KCTD21: variants seen among roughly 807,000 people sequenced by gnomAD.
The protein encoded by KCTD21 is BTB/POZ domain-containing protein KCTD21.
A neutral mutation model predicts 13.2 loss-of-function variants in KCTD21; 9 were observed. That is an observed-to-expected ratio of 0.68 (90% CI 0.41 to 1.19). The LOEUF is 1.19. Among genes scored for constraint, KCTD21 ranks in the 50% most tolerant of loss-of-function variants. KCTD21 has a pLI of 0.01. For synonymous variants in KCTD21, 142 were observed against 137.4 expected, an observed-to-expected ratio of 1.03 and a Z score of -0.23; for missense variants, 303 against 336.5, an observed-to-expected ratio of 0.90 and a Z score of 0.78.
intron 1 of KCTD21, among the ~76,000 whole-genome samples, chr11:78,180,929 A>T (rs1270904221): frequency 1.3e-5 from 2 of 152,142 alleles, no homozygotes; most frequent in African/African-American, 4.8e-5. Context: ...TGATGGTTTT[A>T]TAAGGGGTTT....
intron 1 of KCTD21, among the ~76,000 whole-genome samples, chr11:78,183,356 C>A (rs775603297): frequency 6.6e-6 from 1 of 151,968 alleles, no homozygotes; most frequent in Non-Finnish European, 1.5e-5. Context: ...GCTAACATGG[C>A]AAAACCCCAT....
Position 78,173,758 on chromosome 11 carries a change from T to G in KCTD21, c.*14A>C. 2 of 1,589,198 alleles carry G rather than the reference T, an allele frequency of 1.3e-6. No homozygotes were observed. The highest frequency in any genetic ancestry group is 1.7e-6 in the Non-Finnish European group (2 of 1,163,602). ...TTCCTGGGACTCCCCATCTCCAGTG[T>G]TGTTGGGGTCCTTTTACCTGTACCG... is the stretch of plus-strand genomic sequence containing the variant. On this transcript the variant is annotated 3_prime_UTR_variant, in exon 2 of 2. Transcript: ENST00000340067.
At chr11:78,177,119 ACTT>A (rs1821031958) in intron 1 of KCTD21, 1 of 152,264 alleles carries the variant, frequency 6.6e-6, no homozygotes, top group African/African-American at 2.4e-5. Context: ...GGTGGCGAGA[ACTT>A]CTCAACATTT....
intron 1 of KCTD21, among the ~76,000 whole-genome samples, chr11:78,181,993 T>C (rs74862493): frequency 1.3e-5 from 2 of 152,154 alleles, no homozygotes; most frequent in African/African-American, 2.4e-5. Context: ...AACAATTTTT[T>C]TTGGAAACCA....
chr11:78,175,793 T>TA (rs2136992911), intron 1 of KCTD21, among the ~76,000 whole-genome samples: 2 of 152,258 alleles, frequency 1.3e-5, no homozygotes, highest in East Asian at 3.9e-4. Context: ...GCAGGTTAGT[T>TA]ACATATGTAT....
In KCTD21 at chr11:78,173,701, G is replaced by T; in HGVS notation, c.*71C>A. ...TAGTCCCCTGCCTCGCACCACTGGC[G>T]AGATGCCCTCCAAGACCTGGCTGAC... On this transcript the variant is annotated 3_prime_UTR_variant, in exon 2 of 2. Transcript: ENST00000340067. 7.7e-7 allele frequency: 1 copy of T among 1,306,784 alleles called. No individual in the cohort carries two copies. Among genetic ancestry groups the T allele is most frequent in the Non-Finnish European group, 1.1e-6 (1 of 931,798 alleles). The allele number at this position is 1,306,784 out of a possible 1,614,324, so 80.9% of individuals were successfully genotyped here.
intron 1 of KCTD21, among the ~76,000 whole-genome samples, chr11:78,181,574 A>G (rs912038189): frequency 2.0e-5 from 3 of 152,222 alleles, no homozygotes; most frequent in Non-Finnish European, 4.4e-5. Flanking sequence ...TTAGGTTGGC[A>G]CAAAAGTAAT....
chr11:78,175,720 G>A (rs1022619756), intron 1 of KCTD21, among the ~76,000 whole-genome samples: 50 of 151,730 alleles, frequency 3.3e-4, no homozygotes, highest in African/African-American at 1.2e-3. Flanking sequence ...TGACAATCCT[G>A]TTTTTTTTAA....
rs1333601922 is a variant in KCTD21 at position 78,172,819 on chromosome 11, A to T, written c.*953T>A. The stretch of plus-strand genomic sequence containing the variant: ...CGCTTCCTATCAGCCAAGGTATGCA[A>T]GCAGGCCAAGGTGATCACTTGCAGG... On this transcript the variant is annotated 3_prime_UTR_variant, in exon 2 of 2. Transcript: ENST00000340067. The T allele has an allele frequency of 6.6e-6, 1 of 152,572 alleles. No individual in the cohort carries two copies. Among genetic ancestry groups the T allele is most frequent in the Non-Finnish European group, 1.5e-5 (1 of 68,056 alleles). The allele number at this position is 152,572 out of a possible 1,614,324, so 9.5% of individuals were successfully genotyped here. A position where few individuals can be genotyped will look rare whatever the true frequency, so the allele number is the denominator to read the frequency against.
At chr11:78,175,072 C>G (rs1306591398) in intron 1 of KCTD21, 1 of 152,662 alleles carries the variant, frequency 6.6e-6, no homozygotes. Context: ...CCTGTAATCC[C>G]AGCACTTAGG....
intron 1 of KCTD21, chr11:78,186,794 A>C: frequency 1.0e-6 from 1 of 985,384 alleles, no homozygotes; most frequent in Non-Finnish European, 1.2e-6. Context: ...TCTCAGCTGG[A>C]ATTCATTCCT....
intron 1 of KCTD21, among the ~76,000 whole-genome samples, chr11:78,180,881 C>A (rs1052208172): frequency 3.7e-5 from 5 of 136,796 alleles, no homozygotes; most frequent in African/African-American, 1.1e-4. Context: ...GGCGGTTTTC[C>A]TCATGCTGTT....
At chr11:78,188,407 G>A in intron 1 of KCTD21, 166 bp downstream of exon 1, 1 of 985,328 alleles carries the variant, frequency 1.0e-6, no homozygotes, top group Non-Finnish European at 1.2e-6. Flanking sequence ...ACCTCGCTCC[G>A]AAACGCGCCC....
intron 1 of KCTD21, chr11:78,187,288 C>T (rs1406574667): frequency 7.1e-6 from 7 of 985,292 alleles, no homozygotes; most frequent in South Asian, 9.4e-5. Context: ...GACCACCCCA[C>T]ATCAAAGAGC....
chr11:78,180,583 A>G (rs758009694), intron 1 of KCTD21, among the ~76,000 whole-genome samples: 6 of 152,270 alleles, frequency 3.9e-5, no homozygotes, highest in Non-Finnish European at 8.8e-5. Flanking sequence ...TGACAATCAC[A>G]TGAAAAGATG....
intron 1 of KCTD21, chr11:78,186,803 C>A: frequency 3.0e-6 from 3 of 985,460 alleles, no homozygotes; most frequent in Non-Finnish European, 2.4e-6. Context: ...GAATTCATTC[C>A]TTCTCCTCTG....
rs917579502 is a variant in KCTD21, at chr11:78,171,927, C to T, written c.*1845G>A. 1 of 152,332 alleles carries T rather than the reference C, an allele frequency of 6.6e-6. No homozygotes were observed. The highest frequency in any genetic ancestry group is 6.5e-5 in the Admixed American group (1 of 15,282). 9.4% of individuals were successfully genotyped at this position (152,332 alleles called of 1,614,324 possible). On this transcript the variant is annotated 3_prime_UTR_variant, in exon 2 of 2. Coordinates refer to ENST00000340067, the MANE Select transcript of KCTD21 (RefSeq NM_001029859.3). ...GGCAGAAAAGCTGTCAGAGAGACTC[C>T]TGGGTCCCACCGTAGGGGGAAAAGG...
Position 78,173,855 on chromosome 11 carries a change from C to A in KCTD21, c.700G>T (p.Asp234Tyr), listed in dbSNP as rs202161857. 1.9e-6 allele frequency: 3 copies of A among 1,614,056 alleles called. No homozygotes were observed. Among genetic ancestry groups the A allele is most frequent in the Non-Finnish European group, 2.5e-6 (3 of 1,180,058 alleles). The change falls in exon 2 of 2, where the codon GAT (aspartate) becomes TAT (tyrosine). Residue 234 changes from aspartate to tyrosine, a missense_variant. Asp to Tyr is a radical substitution (Grantham distance 160). Transcript: ENST00000340067. ...VEEVLKIALS[D>Y]GFCIDSSHPH... ...TGAGAAGAATCGATGCAGAAGCCATCGCTCAGAGCGATTTTCAGTACCTCT... is the reference window on the plus strand; with the variant it reads ...TGAGAAGAATCGATGCAGAAGCCATAGCTCAGAGCGATTTTCAGTACCTCT...
At chr11:78,186,156 G>A (rs1264106743) in intron 1 of KCTD21, among the ~76,000 whole-genome samples, 2 of 151,112 alleles carry the variant, frequency 1.3e-5, no homozygotes, top group African/African-American at 4.9e-5. Flanking sequence ...TGGGAGGATC[G>A]CTTGAGTTCA....
Sources: gnomAD v4.1 joint callset for allele counts (sites outside exome capture counted in the v4.1 genomes callset) on GRCh38, gnomAD v4.1.1 for gene constraint, MANE v1.5 for transcripts, NCBI Gene and HGNC (gene_info 2026-07-23, HGNC 2026-07-21) for gene names.